SLC27A2: variants seen among roughly 807,000 people sequenced by gnomAD.
SLC27A2 encodes solute carrier family 27 member 2, also known as long-chain fatty acid transport protein 2.
In SLC27A2, 54 loss-of-function variants were observed where a neutral mutation model predicts 60.0. That is an observed-to-expected ratio of 0.90 (90% CI 0.72 to 1.13). The LOEUF is 1.13. Ranked by LOEUF, SLC27A2 falls within the 50% of genes most tolerant of loss-of-function variation. The probability of loss-of-function intolerance (pLI) is 0.00; values close to 1 mark genes in which losing one functional copy is unlikely to be tolerated. For synonymous variants in SLC27A2, 297 were observed against 297.6 expected (o/e 1.00, Z 0.02); for missense variants, 739 against 777.6 (o/e 0.95, Z 0.59).
At chr15:50,219,386 T>C (rs2045227356) in intron 4 of SLC27A2, among the ~76,000 whole-genome samples, 1 of 152,206 alleles carries the variant, frequency 6.6e-6, no homozygotes, top group African/African-American at 2.4e-5. Context: ...ATTTGTTTCT[T>C]ATCTTACACT....
intron 4 of SLC27A2, among the ~76,000 whole-genome samples, chr15:50,221,706 G>A (rs1056993385): frequency 4.6e-5 from 7 of 152,162 alleles, no homozygotes; most frequent in Non-Finnish European, 1.0e-4. Flanking sequence ...GATGTGAGAG[G>A]ACAGCCCTAA....
chr15:50,229,086 A>T, intron 8 of SLC27A2, 44 bp downstream of exon 8: 1 of 1,409,602 alleles, frequency 7.1e-7, no homozygotes. Context: ...AGAGTAACTG[A>T]ACATAATTTT....
intron 1 of SLC27A2, among the ~76,000 whole-genome samples, chr15:50,193,228 C>T (rs888264463): frequency 1.3e-4 from 20 of 152,312 alleles, no homozygotes; most frequent in African/African-American, 3.6e-4. Context: ...TCTTCTAGGT[C>T]GTCTTTCTGC....
chr15:50,233,627 G>A (rs1166319605), intron 8 of SLC27A2, among the ~76,000 whole-genome samples: 1 of 152,110 alleles, frequency 6.6e-6, no homozygotes. Flanking sequence ...GATTAAGTGA[G>A]ATCATCAATA....
chr15:50,226,917 A>G, intron 6 of SLC27A2, 63 bp from the exon 7 acceptor site: 1 of 1,383,862 alleles, frequency 7.2e-7, no homozygotes, highest in Non-Finnish European at 1.0e-6. Context: ...TAGTTTTAAG[A>G]GAAGGTTGAT....
intron 4 of SLC27A2, among the ~76,000 whole-genome samples, chr15:50,222,212 A>T (rs144929229): frequency 3.3e-5 from 5 of 152,124 alleles, no homozygotes; most frequent in African/African-American, 1.2e-4. Flanking sequence ...TTCCCAGGCC[A>T]CCTGAGGCAA....
rs1259010995 is a variant in SLC27A2, at chr15:50,182,415, C to A, written c.-13C>A. The A allele has an allele frequency of 6.3e-7, 1 of 1,579,202 alleles. No homozygotes were observed. The highest frequency in any genetic ancestry group is 8.6e-7 in the Non-Finnish European group (1 of 1,159,788). ...CCTCTGCCCTCGCTGGGACAGAGGG[C>A]CCCGCAGCCGTCATGCTTTCCGCCA... On this transcript the variant is annotated 5_prime_UTR_variant, in exon 1 of 10. Coordinates refer to ENST00000267842, the MANE Select transcript of SLC27A2 (RefSeq NM_003645.4).
chr15:50,205,403 A>G, intron 4 of SLC27A2, 40 bp downstream of exon 4: 1 of 1,573,746 alleles, frequency 6.4e-7, no homozygotes, highest in Non-Finnish European at 8.7e-7. Context: ...TGAAATGGGT[A>G]AGATGGAAAT....
chr15:50,200,292 G>T (rs1240385293), intron 2 of SLC27A2, among the ~76,000 whole-genome samples: 1 of 152,070 alleles, frequency 6.6e-6, no homozygotes, highest in East Asian at 1.9e-4. Flanking sequence ...GCCAGGCATG[G>T]TGGTGCACAC....
At chr15:50,232,908 C>T (rs185474744) in intron 8 of SLC27A2, among the ~76,000 whole-genome samples, 2,495 of 152,222 alleles carry the variant, frequency 0.016, 32 homozygotes, top group Non-Finnish European at 0.026. Context: ...AAAGCTGGGG[C>T]CCAGGTAACC....
At chr15:50,204,617 C>T (rs1249118865) in intron 3 of SLC27A2, among the ~76,000 whole-genome samples, 2 of 151,838 alleles carry the variant, frequency 1.3e-5, no homozygotes, top group Non-Finnish European at 2.9e-5. Flanking sequence ...CCTGTAATCC[C>T]AGCTACTCAG....
At chr15:50,202,092 T>C (rs1321268103) in intron 2 of SLC27A2, among the ~76,000 whole-genome samples, 1 of 152,194 alleles carries the variant, frequency 6.6e-6, no homozygotes, top group Non-Finnish European at 1.5e-5. Context: ...ATTCCTCTGT[T>C]TCTGTTTCTC....
chr15:50,185,430 T>G (rs2044912966), intron 1 of SLC27A2, among the ~76,000 whole-genome samples: 1 of 152,168 alleles, frequency 6.6e-6, no homozygotes, highest in Non-Finnish European at 1.5e-5. Flanking sequence ...GTCACAGAGT[T>G]GCATGTTTAC....
chr15:50,223,877 T>C (rs1032670467), intron 5 of SLC27A2, among the ~76,000 whole-genome samples: 3 of 152,224 alleles, frequency 2.0e-5, no homozygotes, highest in East Asian at 1.9e-4. Context: ...CAGCTCATCC[T>C]TTCTGGCCAT....
At chr15:50,225,924 T>C in intron 5 of SLC27A2, 64 bp from the exon 6 acceptor site, 2 of 1,148,566 alleles carry the variant, frequency 1.7e-6, no homozygotes, top group Non-Finnish European at 1.3e-6. Flanking sequence ...CTTTGTGTTA[T>C]ACCACAATTA....
chr15:50,191,659 A>G (rs185478963), intron 1 of SLC27A2, among the ~76,000 whole-genome samples: 2 of 152,274 alleles, frequency 1.3e-5, no homozygotes, highest in Admixed American at 1.3e-4. Flanking sequence ...CAGAGAACCC[A>G]ACCTTGACAA....
At chr15:50,196,992 A>G (rs796847535) in intron 1 of SLC27A2, among the ~76,000 whole-genome samples, 5 of 152,082 alleles carry the variant, frequency 3.3e-5, no homozygotes, top group African/African-American at 1.2e-4. Flanking sequence ...GGAATAGCCA[A>G]ATTTATTTCT....
Position 50,223,031 on chromosome 15 carries a change from A to T in SLC27A2, c.1039A>T (p.Arg347Ter). 1 of 1,614,012 alleles carries T rather than the reference A, an allele frequency of 6.2e-7. No homozygotes were observed. Among genetic ancestry groups the T allele is most frequent in the African/African-American group, 1.3e-5 (1 of 75,032 alleles). The stretch of plus-strand genomic sequence containing the variant: ...AAATGGCTTACGAGGAGATGTGTGG[A>T]GACAATTTGTCAAGAGATTTGGGGA... The part of the protein sequence containing the change: ...LGNGLRGDVW[R>*]QFVKRFGDIC... Residue 347 changes from arginine (R) to a stop codon, truncating the protein, a stop_gained, in exon 5 of 10, where the codon AGA (arginine) becomes TGA (stop). Transcript: ENST00000267842. LOFTEE classifies it high-confidence loss of function.
chr15:50,187,016 AG>A (rs1359109037), intron 1 of SLC27A2, among the ~76,000 whole-genome samples: 8 of 152,348 alleles, frequency 5.3e-5, no homozygotes, highest in Non-Finnish European at 1.2e-4. Flanking sequence ...GGACCAGCAC[AG>A]AGGCATTTAT....
Sources: allele counts gnomAD v4.1 joint callset (sites outside exome capture counted in the v4.1 genomes callset), GRCh38; gene constraint gnomAD v4.1.1; transcripts MANE v1.5; gene names NCBI Gene and HGNC (gene_info 2026-07-23, HGNC 2026-07-21).